PAN2: variants seen among roughly 807,000 people sequenced by gnomAD.
PAN2 encodes poly(A) specific ribonuclease subunit PAN2, also known as PAN2-PAN3 deadenylation complex catalytic subunit PAN2.
PAN2 carries 68 observed loss-of-function variants against 133.3 expected under a neutral mutation model. That is an observed-to-expected ratio of 0.51 (90% CI 0.42 to 0.62). The LOEUF (loss-of-function observed/expected upper bound fraction) is 0.62, where lower values mean the gene tolerates loss of function less well. Ranked by LOEUF, PAN2 falls within the 20% of genes least tolerant of loss-of-function variation. The pLI is 0.00. For synonymous variants in PAN2, 462 were observed against 544.6 expected, an observed-to-expected ratio of 0.85 and a Z score of 2.11; for missense variants, 1,042 against 1,500.5, an observed-to-expected ratio of 0.69 and a Z score of 5.05.
chr12:56,331,700 GTTT>G (rs67869491), intron 2 of PAN2, among the ~76,000 whole-genome samples: 4 of 125,332 alleles, frequency 3.2e-5, no homozygotes, highest in African/African-American at 8.1e-5. Context: ...GAAGGACAGC[GTTT>G]TTTTTTTTTT....
At chr12:56,332,428 T>TA (rs1349670511) in intron 2 of PAN2, among the ~76,000 whole-genome samples, 1 of 151,898 alleles carries the variant, frequency 6.6e-6, no homozygotes, top group Admixed American at 6.6e-5. Context: ...ATAGTAAGAC[T>TA]AAAAAATTTT....
chr12:56,331,153 G>A (rs1026504459), intron 2 of PAN2, among the ~76,000 whole-genome samples: 4 of 152,068 alleles, frequency 2.6e-5, no homozygotes, highest in African/African-American at 9.7e-5. Flanking sequence ...ATGTTTTTCT[G>A]TTTACTGCTT....
chr12:56,320,704 C>G (rs916593771), intron 20 of PAN2, among the ~76,000 whole-genome samples: 1 of 151,242 alleles, frequency 6.6e-6, no homozygotes, highest in Non-Finnish European at 1.5e-5. Flanking sequence ...AAACATCCCC[C>G]CCTCATCTCA....
At chr12:56,325,190 A>G in intron 9 of PAN2, 62 bp from the exon 10 acceptor site, 2 of 1,592,870 alleles carry the variant, frequency 1.3e-6, no homozygotes, top group Non-Finnish European at 1.7e-6. Flanking sequence ...TCTTTCCAGT[A>G]GCCACAGCCT....
chr12:56,325,539 A>T, intron 8 of PAN2, 85 bp from the exon 9 acceptor site: 31 of 1,472,288 alleles, frequency 2.1e-5, no homozygotes, highest in Non-Finnish European at 2.9e-5. Context: ...TGAAACAGCC[A>T]CCAAGTCCTG....
Position 56,322,188 on chromosome 12 carries a change from C to T in PAN2, c.2698-20G>A, listed in dbSNP as rs1456541252. ...TTCATGCTATAGAAGAGAAAAAGCA[C>T]TTATGGCTAATGTATATCACCCTTT... On this transcript the variant is annotated intron_variant, in intron 19 of 25. Coordinates refer to ENST00000440411, the MANE Select transcript of PAN2 (RefSeq NM_014871.6). 5 of 1,457,306 alleles carry T rather than the reference C, an allele frequency of 3.4e-6. No individual in the cohort carries two copies. The highest frequency in any genetic ancestry group is 4.8e-6 in the Non-Finnish European group (5 of 1,038,316). 90.3% of individuals were successfully genotyped at this position (1,457,306 alleles called of 1,614,324 possible). A position where few individuals can be genotyped will look rare whatever the true frequency, so the allele number is the denominator to read the frequency against.
At chr12:56,329,973 G>A (rs1052765010) in intron 2 of PAN2, among the ~76,000 whole-genome samples, 45 of 150,268 alleles carry the variant, frequency 3.0e-4, no homozygotes, top group Non-Finnish European at 3.0e-5. Context: ...GCCCTTCAGT[G>A]GCCTGAAGGT....
At chr12:56,324,809 G>A (rs1649260747) in intron 10 of PAN2, 100 bp from the exon 11 acceptor site, 1 of 1,476,296 alleles carries the variant, frequency 6.8e-7, no homozygotes, top group Non-Finnish European at 9.1e-7. Flanking sequence ...CCCAGAAGCA[G>A]GAGTCCACCG....
chr12:56,327,288 G>T, intron 6 of PAN2, 76 bp downstream of exon 6: 1 of 1,493,024 alleles, frequency 6.7e-7, no homozygotes, highest in Non-Finnish European at 9.3e-7. Context: ...AGAGGTTTCA[G>T]GATGAGTACT....
rs375424894 is a variant in PAN2 at position 56,320,558 on chromosome 12, C to T, written c.2789-537G>A. Among the ~76,000 whole-genome samples the T allele has an allele frequency of 6.6e-5, 10 of 150,836 alleles. No individual in the cohort carries two copies. The East Asian group carries it at 1.0e-3, about 15-fold the overall frequency. ...ACTTGGGAGGCTGAGGCAGGGGAAT[C>T]GCTTGAACCCGGGAGGCAGAGGTCG... is the stretch of plus-strand genomic sequence containing the variant. On this transcript the variant is annotated intron_variant, in intron 20 of 25. Coordinates refer to ENST00000440411, the MANE Select transcript of PAN2 (RefSeq NM_014871.6).
intron 2 of PAN2, among the ~76,000 whole-genome samples, chr12:56,330,761 G>A (rs893927657): frequency 6.6e-6 from 1 of 151,898 alleles, no homozygotes; most frequent in African/African-American, 2.4e-5. Context: ...TCAAAGTGCC[G>A]GGATTACAGG....
intron 17 of PAN2, 133 bp downstream of exon 17, chr12:56,322,929 C>A: frequency 7.6e-7 from 1 of 1,312,338 alleles, no homozygotes; most frequent in East Asian, 2.3e-5. Context: ...ATGGAAAATC[C>A]CCTAACAGGT....
Position 56,320,078 on chromosome 12 carries a change from G to C in PAN2, c.2789-57C>G. ...TGGATAGGGAAGTGACTAGGGGAGA[G>C]AAGCCCAGTGTGGCTGATCATCGAC... is the stretch of plus-strand genomic sequence containing the variant. On this transcript the variant is annotated intron_variant, in intron 20 of 25. Coordinates refer to ENST00000440411, the MANE Select transcript of PAN2 (RefSeq NM_014871.6). 4 of 1,554,282 alleles carry C rather than the reference G, an allele frequency of 2.6e-6. No homozygotes were observed. In the South Asian group the frequency reaches 4.5e-5, roughly 18 times the overall value.
At chr12:56,323,725 G>A in intron 14 of PAN2, 82 bp downstream of exon 14, 1 of 1,428,608 alleles carries the variant, frequency 7.0e-7, no homozygotes, top group Non-Finnish European at 9.9e-7. Context: ...TGGCAGTGCT[G>A]ACAGAGCCAG....
At chr12:56,322,570 T>C (rs779974520) in intron 18 of PAN2, 45 bp downstream of exon 18, 3 of 1,611,822 alleles carry the variant, frequency 1.9e-6, no homozygotes, top group African/African-American at 2.7e-5. Flanking sequence ...TGGGACTCAC[T>C]GTGGCCATCC....
Position 56,322,128 on chromosome 12 carries a change from G to A in PAN2, c.2738C>T (p.Ala913Val). Residue 913 changes from alanine (A) to valine (V), a missense_variant, in exon 20 of 26, where the codon GCA becomes GTA. Physicochemically the swap from Ala to Val is moderately conservative, Grantham distance 64. This residue lies in a region of PAN2 where 908 missense variants were observed against 1,223.5 expected (regional missense o/e 0.74). Transcript: ENST00000440411. Reference protein sequence around the residue: ...VQFDMNWKVPAILYYVKRNLN... With the variant: ...VQFDMNWKVPVILYYVKRNLN... ...ATTCCGTTTGACATAATAAAGGATT[G>A]CAGGTACTTTCCAATTCATGTCAAA... 6.2e-7 allele frequency: 1 copy of A among 1,610,802 alleles called. No homozygotes were observed. The highest frequency in any genetic ancestry group is 8.5e-7 in the Non-Finnish European group (1 of 1,176,986).
In PAN2 at chr12:56,332,920, C is replaced by T; in HGVS notation, c.175G>A (p.Glu59Lys). The T allele has an allele frequency of 6.2e-7, 1 of 1,614,214 alleles. No individual in the cohort carries two copies. The highest frequency in any genetic ancestry group is 8.5e-7 in the Non-Finnish European group (1 of 1,180,032). ...LPVQESVHIM[E>K]GVYSELHSVV... is the part of the protein sequence containing the mutation. ...CTGTGCAATTCAGAGTAGACACCTT[C>T]CATTATGTGCACTGATTCCTGGACG... Residue 59 changes from glutamate (E) to lysine (K), a missense_variant, in exon 2 of 26, where the codon GAA (glutamate) becomes AAA (lysine). By Grantham distance (56) the Glu-to-Lys change is moderately conservative. Transcript: ENST00000440411.
Position 56,318,343 on chromosome 12 carries a change from A to G in PAN2, c.3456T>C (p.Asn1152=). Residue 1152 remains asparagine, a synonymous_variant, in exon 25 of 26, where the codon AAT becomes AAC. Transcript: ENST00000440411. ...LYRKYLELSK[N]GTEPESFHKV... Reference sequence around the variant, plus strand: ...TGTGGAAAGACTCAGGCTCAGTGCCATTTTTGCTTAGCTCCAGATACTTTC... The same window carrying G: ...TGTGGAAAGACTCAGGCTCAGTGCCGTTTTTGCTTAGCTCCAGATACTTTC... 1 of 1,613,990 alleles carries G rather than the reference A, an allele frequency of 6.2e-7. No homozygotes were observed. Among genetic ancestry groups the G allele is most frequent in the Non-Finnish European group, 8.5e-7 (1 of 1,179,942 alleles).
chr12:56,320,054 G>C (rs1358753882), intron 20 of PAN2, 33 bp from the exon 21 acceptor site: 1 of 1,610,792 alleles, frequency 6.2e-7, no homozygotes, highest in South Asian at 1.1e-5. Flanking sequence ...CACAGGGCTT[G>C]GATAGGGAAG....
Sources: gnomAD v4.1 joint callset for allele counts (sites outside exome capture counted in the v4.1 genomes callset) on GRCh38, gnomAD v4.1.1 for gene constraint, gnomAD v4.1.1 regional missense constraint, MANE v1.5 for transcripts, NCBI Gene and HGNC (gene_info 2026-07-23, HGNC 2026-07-21) for gene names.